The following ZNF131 variants were observed in gnomAD, a reference collection of about 807,000 sequenced individuals.
ZNF131 encodes zinc finger protein 131.
In ZNF131, 7 loss-of-function variants were observed where a neutral mutation model predicts 60.0. The observed-to-expected ratio is 0.12, with a 90% CI of 0.07 to 0.22. ZNF131 has a LOEUF of 0.22. Among genes scored for constraint, ZNF131 ranks in the 10% least tolerant of loss-of-function variants. The probability of loss-of-function intolerance (pLI) is 1.00; values close to 1 mark genes in which losing one functional copy is unlikely to be tolerated. For synonymous variants in ZNF131, 257 were observed against 253.2 expected, an observed-to-expected ratio of 1.01 and a Z score of -0.14; for missense variants, 493 against 740.9, an observed-to-expected ratio of 0.67 and a Z score of 3.88.
At position 43,159,347 on chromosome 5, in the gene ZNF131, G is replaced by A. The variant is rs1050818920; in HGVS notation, c.372-1902G>A. The stretch of plus-strand genomic sequence containing the variant: ...CAAGGAGAATTGTCTCCCAACAGGT[G>A]TCGTCTTTTACTGAGTTTACTGAGT... On this transcript the variant is annotated intron_variant, in intron 4 of 6. Coordinates refer to ENST00000682664, the MANE Select transcript of ZNF131 (RefSeq NM_001330707.2). Among the ~76,000 whole-genome samples the A allele has an allele frequency of 1.2e-4, 18 of 152,048 alleles. 1 individual carries two copies. Among genetic ancestry groups the A allele is most frequent in the African/African-American group, 4.3e-4 (18 of 41,420 alleles).
intron 3 of ZNF131, among the ~76,000 whole-genome samples, chr5:43,138,750 T>C (rs1477306387): frequency 6.6e-6 from 1 of 152,108 alleles, no homozygotes; most frequent in Non-Finnish European, 1.5e-5. Context: ...TTTGGAAAGG[T>C]AAATAGGAAA....
intron 5 of ZNF131, among the ~76,000 whole-genome samples, chr5:43,171,624 A>T (rs1370616814): frequency 6.6e-6 from 1 of 151,674 alleles, no homozygotes; most frequent in African/African-American, 2.4e-5. Context: ...AGGCCATTTT[A>T]TTTATTTATT....
chr5:43,163,603 C>T (rs948160095), intron 5 of ZNF131, among the ~76,000 whole-genome samples: 3 of 152,236 alleles, frequency 2.0e-5, no homozygotes, highest in Non-Finnish European at 4.4e-5. Context: ...GGGTCTCCTA[C>T]ACCAGACACA....
chr5:43,140,667 G>T (rs1746700003), intron 4 of ZNF131, among the ~76,000 whole-genome samples: 1 of 152,144 alleles, frequency 6.6e-6, no homozygotes, highest in South Asian at 2.1e-4. Context: ...CACTGTTGTG[G>T]TTTAGTTAAA....
intron 1 of ZNF131, chr5:43,121,746 T>G: frequency 9.9e-6 from 2 of 202,584 alleles, no homozygotes; most frequent in Non-Finnish European, 2.0e-5. Flanking sequence ...TCCCCTCCCT[T>G]GTTGGACTTG....
chr5:43,175,438 T>TC lies in ZNF131; in HGVS notation c.*307dup, dbSNP rs1411876886. On this transcript the variant is annotated 3_prime_UTR_variant, in exon 7 of 7. Transcript: ENST00000682664. ...CTATTTTCATTGTGGTAAAAGTTCT[T>TC]CCTTTTCTCTTTCCCAGGTCATGTT... The TC allele has an allele frequency of 1.4e-6, 1 of 698,294 alleles. No individual in the cohort carries two copies. The highest frequency in any genetic ancestry group is 1.8e-5 in the African/African-American group (1 of 56,980). 43.3% of individuals were successfully genotyped at this position (698,294 alleles called of 1,614,324 possible).
chr5:43,154,677 C>A (rs1053013114), intron 4 of ZNF131, among the ~76,000 whole-genome samples: 2 of 152,158 alleles, frequency 1.3e-5, no homozygotes, highest in East Asian at 1.9e-4. Flanking sequence ...GTTACCATAT[C>A]CAGAATAATG....
At chr5:43,164,696 C>A (rs572570379) in intron 5 of ZNF131, among the ~76,000 whole-genome samples, 1 of 152,198 alleles carries the variant, frequency 6.6e-6, no homozygotes, top group African/African-American at 2.4e-5. Context: ...CCTCTCAGGT[C>A]TTAGATTTTT....
chr5:43,173,753 C>CG (rs1463435782), intron 6 of ZNF131, among the ~76,000 whole-genome samples: 1 of 151,460 alleles, frequency 6.6e-6, no homozygotes, highest in Non-Finnish European at 1.5e-5. Flanking sequence ...AGATTCCCCC[C>CG]CCATGATTAG....
rs576606089 is a variant in ZNF131 at position 43,131,063 on chromosome 5, C to T, written c.226+7753C>T. On this transcript the variant is annotated intron_variant, in intron 3 of 6. Transcript: ENST00000682664. ...TATTTTTAATAGAGATGGGGTTTCG[C>T]CTTGTTGGCCAGGCTGGTCTTGAAC... Among the ~76,000 whole-genome samples the T allele has an allele frequency of 1.1e-4, 16 of 152,012 alleles. No homozygotes were observed. In the East Asian group the frequency reaches 2.9e-3, roughly 28 times the overall value.
Position 43,175,341 on chromosome 5 carries a change from G to C in ZNF131, c.*208G>C. On this transcript the variant is annotated 3_prime_UTR_variant, in exon 7 of 7. Transcript: ENST00000682664. ...AGGGATCTTTTCCATAACTGAAGGG[G>C]AGTTTTGAGAAGTATATTTCTGGAA... 1 of 677,674 alleles carries C rather than the reference G, an allele frequency of 1.5e-6. No individual in the cohort carries two copies. Among genetic ancestry groups the C allele is most frequent in the Non-Finnish European group, 2.6e-6 (1 of 385,020 alleles). 42.0% of individuals were successfully genotyped at this position (677,674 alleles called of 1,614,324 possible).
chr5:43,122,938 A>G (rs923485108), intron 2 of ZNF131, among the ~76,000 whole-genome samples: 1 of 152,166 alleles, frequency 6.6e-6, no homozygotes, highest in African/African-American at 2.4e-5. Context: ...TGGAAACAAC[A>G]GAGTGTCAAG....
intron 2 of ZNF131, 55 bp from the exon 3 acceptor site, chr5:43,123,154 A>G: frequency 7.2e-7 from 1 of 1,393,996 alleles, no homozygotes; most frequent in Non-Finnish European, 9.9e-7. Context: ...TTGTAGTTAT[A>G]CATTTGATTT....
chr5:43,161,485 C>T lies in ZNF131; in HGVS notation c.608C>T (p.Thr203Ile). 1 of 1,614,272 alleles carries T rather than the reference C, an allele frequency of 6.2e-7. No individual in the cohort carries two copies. The highest frequency in any genetic ancestry group is 2.2e-5 in the East Asian group (1 of 44,886). Reference sequence around the variant, plus strand: ...CAGTCCGTAAAGTACATACAGAGCACAGGTTCCTCTGATGATTCTGCTCTA... The same window carrying T: ...CAGTCCGTAAAGTACATACAGAGCATAGGTTCCTCTGATGATTCTGCTCTA... ...AKQSVKYIQS[T>I]GSSDDSALAL... The change falls in exon 5 of 7, where the codon ACA becomes ATA. Residue 203 changes from threonine (T) to isoleucine (I), a missense_variant. Thr to Ile is a moderately conservative substitution (Grantham distance 89). Transcript: ENST00000682664.
intron 5 of ZNF131, among the ~76,000 whole-genome samples, chr5:43,165,572 A>T (rs1402715285): frequency 1.3e-5 from 2 of 152,212 alleles, no homozygotes; most frequent in Non-Finnish European, 2.9e-5. Context: ...GTAGGTTTCA[A>T]CATTGGGCTT....
chr5:43,147,745 A>T (rs1230017600), intron 4 of ZNF131, among the ~76,000 whole-genome samples: 1 of 151,336 alleles, frequency 6.6e-6, no homozygotes, highest in Non-Finnish European at 1.5e-5. Context: ...AAAAAAAAAA[A>T]AACAGTTTGG....
At chr5:43,122,226 T>A (rs1488963686) in intron 2 of ZNF131, 49 bp downstream of exon 2, 1 of 1,573,636 alleles carries the variant, frequency 6.4e-7, no homozygotes, top group South Asian at 1.2e-5. Context: ...TCAGTTTTTT[T>A]CTGTCCTTCG....
At position 43,154,834 on chromosome 5, in the gene ZNF131, C is replaced by A. The variant is rs547842817; in HGVS notation, c.372-6415C>A. 7.9e-4 allele frequency among the ~76,000 whole-genome samples: 121 copies of A among 152,306 alleles called. 1 individual carries two copies. The highest frequency in any genetic ancestry group is 2.8e-3 in the African/African-American group (117 of 41,558). On this transcript the variant is annotated intron_variant, in intron 4 of 6. Coordinates refer to ENST00000682664, the MANE Select transcript of ZNF131 (RefSeq NM_001330707.2). ...ATTCCGGCAACAGCTGCTATTTTTT[C>A]CACAGTTGTGGCCCCAGAGGCGTGG...
intron 5 of ZNF131, among the ~76,000 whole-genome samples, chr5:43,164,658 C>T (rs981728646): frequency 6.6e-6 from 1 of 152,146 alleles, no homozygotes; most frequent in Non-Finnish European, 1.5e-5. Flanking sequence ...TAGGACAACA[C>T]GGACCACTTT....
Sources: gnomAD v4.1 joint callset for allele counts (sites outside exome capture counted in the v4.1 genomes callset) on GRCh38, gnomAD v4.1.1 for gene constraint, MANE v1.5 for transcripts, NCBI Gene and HGNC (gene_info 2026-07-23, HGNC 2026-07-21) for gene names.